XPR1: variants seen among roughly 807,000 people sequenced by gnomAD.
XPR1 encodes xenotropic and polytropic retrovirus receptor 1.
XPR1 carries 28 observed loss-of-function variants against 87.5 expected under a neutral mutation model. The observed-to-expected ratio is 0.32, with a 90% CI of 0.24 to 0.44. The LOEUF (loss-of-function observed/expected upper bound fraction) is 0.44. Among genes scored for constraint, XPR1 ranks in the 20% least tolerant of loss-of-function variants. The pLI is 1.00. For synonymous variants in XPR1, 300 were observed against 306.1 expected, an observed-to-expected ratio of 0.98 and a Z score of 0.21; for missense variants, 559 against 862.3, an observed-to-expected ratio of 0.65 and a Z score of 4.41.
chr1:180,797,775 G>A (rs1056595390), intron 3 of XPR1, among the ~76,000 whole-genome samples: 7 of 152,038 alleles, frequency 4.6e-5, no homozygotes, highest in African/African-American at 1.7e-4. Flanking sequence ...TTTTCAGGTA[G>A]CTTCTAAGTC....
rs1648707704 is a variant in XPR1 at position 180,776,172 on chromosome 1, G to A, written c.122-11581G>A. 2.7e-5 allele frequency among the ~76,000 whole-genome samples: 4 copies of A among 148,002 alleles called. No individual in the cohort carries two copies. The Admixed American group carries it at 2.7e-4, about 10-fold the overall frequency. On this transcript the variant is annotated intron_variant, in intron 2 of 14. Transcript: ENST00000367590. ...AAACTGAAAGAAGACTTAATTGTAA[G>A]CTTATTTATCATTAAAATTAATTTT...
intron 3 of XPR1, among the ~76,000 whole-genome samples, chr1:180,802,493 T>G (rs1311193427): frequency 6.6e-6 from 1 of 152,226 alleles, no homozygotes; most frequent in African/African-American, 2.4e-5. Context: ...ACCTGAACTG[T>G]ATAACCAGAA....
intron 6 of XPR1, among the ~76,000 whole-genome samples, chr1:180,811,201 TA>T (rs530371780): frequency 1.1e-3 from 163 of 151,980 alleles, no homozygotes; most frequent in African/African-American, 3.0e-3. Context: ...CAGATTTCTA[TA>T]AAAAAAAGCT....
At chr1:180,814,757 AAG>A (rs1650341087) in intron 7 of XPR1, among the ~76,000 whole-genome samples, 1 of 152,228 alleles carries the variant, frequency 6.6e-6, no homozygotes, top group Non-Finnish European at 1.5e-5. Context: ...AAGCGGTTCA[AAG>A]AGACAACTGA....
At chr1:180,853,791 G>GTTTTTTTTTTT (rs374408714) in intron 11 of XPR1, among the ~76,000 whole-genome samples, 46 of 109,294 alleles carry the variant, frequency 4.2e-4, no homozygotes, top group Non-Finnish European at 5.8e-4. Context: ...CATTCATGTG[G>GTTTTTTTTTTT]TTTTTTTTTT....
chr1:180,882,499 C>T lies in XPR1; in HGVS notation c.2031-1507C>T, dbSNP rs565379872. 3.0e-4 allele frequency among the ~76,000 whole-genome samples: 46 copies of T among 152,132 alleles called. No homozygotes were observed. In the South Asian group the frequency reaches 4.6e-3, roughly 15 times the overall value. ...AGCCTCCCAAGTAGTTGGCACTACA[C>T]GCCTGCACCCCTCTGCCCAGCTAAT... On this transcript the variant is annotated intron_variant, in intron 14 of 14. Coordinates refer to ENST00000367590, the MANE Select transcript of XPR1 (RefSeq NM_004736.4).
intron 1 of XPR1, among the ~76,000 whole-genome samples, chr1:180,653,829 A>G (rs1409556399): frequency 3.3e-5 from 5 of 152,168 alleles, no homozygotes; most frequent in Non-Finnish European, 7.4e-5. Flanking sequence ...TGCATTGACT[A>G]CTAAGTGACT....
At chr1:180,739,422 C>A (rs1658847133) in intron 2 of XPR1, among the ~76,000 whole-genome samples, 3 of 151,922 alleles carry the variant, frequency 2.0e-5, no homozygotes, top group Non-Finnish European at 4.4e-5. Context: ...TTATATTTTG[C>A]CTAATATAAA....
intron 2 of XPR1, among the ~76,000 whole-genome samples, chr1:180,758,164 A>T (rs1479735895): frequency 6.9e-5 from 10 of 145,026 alleles, no homozygotes. Context: ...AGCCACATTT[A>T]AAAAAGAATG....
intron 2 of XPR1, among the ~76,000 whole-genome samples, chr1:180,721,958 G>C (rs1316590319): frequency 1.3e-5 from 2 of 152,038 alleles, no homozygotes; most frequent in African/African-American, 4.8e-5. Flanking sequence ...TTAAGTTTTT[G>C]GAGAGTCAAA....
At chr1:180,746,110 TAA>T (rs1557986546) in intron 2 of XPR1, among the ~76,000 whole-genome samples, 2 of 152,208 alleles carry the variant, frequency 1.3e-5, no homozygotes, top group Non-Finnish European at 2.9e-5. Context: ...TTTTTTTATT[TAA>T]ATAGCTTTAG....
chr1:180,696,088 G>A (rs550407212), intron 2 of XPR1, among the ~76,000 whole-genome samples: 6 of 150,006 alleles, frequency 4.0e-5, no homozygotes, highest in Non-Finnish European at 7.4e-5. Flanking sequence ...TGTTTGTGTT[G>A]TCTTCAGTTT....
At chr1:180,787,968 C>A in intron 3 of XPR1, 114 bp downstream of exon 3, 1 of 684,776 alleles carries the variant, frequency 1.5e-6, no homozygotes, top group Non-Finnish European at 2.3e-6. Context: ...CCTTACTATA[C>A]TGCACTTAAG....
At chr1:180,716,352 G>A (rs1293127239) in intron 2 of XPR1, among the ~76,000 whole-genome samples, 2 of 152,024 alleles carry the variant, frequency 1.3e-5, no homozygotes, top group Non-Finnish European at 2.9e-5. Flanking sequence ...GCCTTGCAGA[G>A]TTCTAGGATT....
chr1:180,714,361 C>G (rs1657910213), intron 2 of XPR1, among the ~76,000 whole-genome samples: 1 of 112,344 alleles, frequency 8.9e-6, no homozygotes, highest in Non-Finnish European at 1.8e-5. Flanking sequence ...CTCTCTCTCT[C>G]TCTCTCTCTC....
At chr1:180,667,194 T>C (rs1409786217) in intron 1 of XPR1, among the ~76,000 whole-genome samples, 1 of 152,254 alleles carries the variant, frequency 6.6e-6, no homozygotes, top group Non-Finnish European at 1.5e-5. Flanking sequence ...ATTACAGGCA[T>C]GAGCCACTGA....
chr1:180,817,672 T>C (rs1163640501), intron 7 of XPR1, among the ~76,000 whole-genome samples: 2 of 152,186 alleles, frequency 1.3e-5, no homozygotes, highest in African/African-American at 2.4e-5. Context: ...AAGAACATGA[T>C]GGCTCTCACA....
At chr1:180,752,707 A>G (rs1488638870) in intron 2 of XPR1, among the ~76,000 whole-genome samples, 1 of 152,188 alleles carries the variant, frequency 6.6e-6, no homozygotes, top group Non-Finnish European at 1.5e-5. Flanking sequence ...ATGCTCTTCC[A>G]TAGCTGTACC....
At chr1:180,812,712 G>A (rs971122982) in intron 7 of XPR1, among the ~76,000 whole-genome samples, 4 of 149,010 alleles carry the variant, frequency 2.7e-5, no homozygotes, top group Admixed American at 1.3e-4. Context: ...GCAGTGGTCC[G>A]ATCTCGGCTC....
Sources: gnomAD v4.1 joint callset for allele counts (sites outside exome capture counted in the v4.1 genomes callset) on GRCh38, gnomAD v4.1.1 for gene constraint, MANE v1.5 for transcripts, NCBI Gene and HGNC (gene_info 2026-07-23, HGNC 2026-07-21) for gene names.